The following IGDCC3 variants were observed in gnomAD, a reference collection of about 807,000 sequenced individuals.
IGDCC3 encodes putative neuronal cell adhesion molecule.
In IGDCC3, 47 loss-of-function variants were observed where a neutral mutation model predicts 72.0. The observed-to-expected ratio is 0.65, with a 90% CI of 0.52 to 0.83. IGDCC3 has a LOEUF of 0.83. Among genes scored for constraint, IGDCC3 ranks in the 40% least tolerant of loss-of-function variants. The pLI is 0.00. For missense variants in IGDCC3, 1,038 were observed against 1,091.3 expected (o/e 0.95, Z 0.69); for synonymous variants, 477 against 472.8 (o/e 1.01, Z -0.11).
At chr15:65,352,927 T>C (rs1257727623) in intron 2 of IGDCC3, among the ~76,000 whole-genome samples, 1 of 152,230 alleles carries the variant, frequency 6.6e-6, no homozygotes, top group East Asian at 1.9e-4. Flanking sequence ...AGGCTAACTC[T>C]GCTTATTCCT....
intron 2 of IGDCC3, among the ~76,000 whole-genome samples, chr15:65,372,195 G>A (rs778974016): frequency 6.6e-6 from 1 of 152,196 alleles, no homozygotes; most frequent in African/African-American, 2.4e-5. Flanking sequence ...CAGGCAAAGT[G>A]TGGGGTGTGC....
At chr15:65,347,559 C>G (rs1328960690) in intron 2 of IGDCC3, among the ~76,000 whole-genome samples, 2 of 152,248 alleles carry the variant, frequency 1.3e-5, no homozygotes, top group East Asian at 3.9e-4. Context: ...GGCTGCATTC[C>G]CAGATGGGTA....
chr15:65,360,664 G>A (rs2091254537), intron 2 of IGDCC3, among the ~76,000 whole-genome samples: 1 of 152,214 alleles, frequency 6.6e-6, no homozygotes, highest in Non-Finnish European at 1.5e-5. Flanking sequence ...TTTGTTGCAA[G>A]CCAAATACTG....
At chr15:65,362,537 G>T (rs1653895710) in intron 2 of IGDCC3, among the ~76,000 whole-genome samples, 1 of 145,144 alleles carries the variant, frequency 6.9e-6, no homozygotes, top group Non-Finnish European at 1.5e-5. Flanking sequence ...CTGAACAAAA[G>T]GTGCCCCCAC....
At chr15:65,371,836 T>C (rs1383462881) in intron 2 of IGDCC3, among the ~76,000 whole-genome samples, 1 of 152,190 alleles carries the variant, frequency 6.6e-6, no homozygotes, top group Non-Finnish European at 1.5e-5. Context: ...CACATTCCCC[T>C]GGGTCAGCCC....
intron 2 of IGDCC3, among the ~76,000 whole-genome samples, chr15:65,344,282 A>T (rs1259490592): frequency 6.6e-6 from 1 of 151,658 alleles, no homozygotes; most frequent in Non-Finnish European, 1.5e-5. Context: ...TTGCCTAGTG[A>T]CCCTGCTCTG....
In IGDCC3 at chr15:65,375,595, T is replaced by C. The variant is rs72625758; in HGVS notation, c.104-193A>G. On this transcript the variant is annotated intron_variant, in intron 1 of 13. Coordinates refer to ENST00000327987, the MANE Select transcript of IGDCC3 (RefSeq NM_004884.4). ...ACAAAGTGCCATCCAAGGCGGTACT[T>C]TACTTAATCATCAGACCATCTCAGA... 0.036 allele frequency among the ~76,000 whole-genome samples: 5,537 copies of C among 152,302 alleles called. 592 individuals are homozygous for C. The East Asian group carries it at 0.41, about 11-fold the overall frequency.
chr15:65,341,413 C>T (rs2091080128), intron 2 of IGDCC3, among the ~76,000 whole-genome samples: 1 of 152,164 alleles, frequency 6.6e-6, no homozygotes, highest in Non-Finnish European at 1.5e-5. Flanking sequence ...GGGTCTCAAA[C>T]AGATATTTGA....
At chr15:65,352,710 T>C (rs2091182258) in intron 2 of IGDCC3, among the ~76,000 whole-genome samples, 1 of 152,214 alleles carries the variant, frequency 6.6e-6, no homozygotes, top group Non-Finnish European at 1.5e-5. Context: ...CAAAGCCAAT[T>C]TTAAAAGATC....
intron 2 of IGDCC3, among the ~76,000 whole-genome samples, chr15:65,349,356 A>C (rs900676528): frequency 1.3e-5 from 2 of 152,234 alleles, no homozygotes; most frequent in Non-Finnish European, 2.9e-5. Flanking sequence ...GAAGGCTGAC[A>C]TGCCGGCAAA....
rs749650556 is a variant in IGDCC3 at position 65,331,143 on chromosome 15, G to A, written c.1468C>T (p.Pro490Ser). 13 of 1,614,074 alleles carry A rather than the reference G, an allele frequency of 8.1e-6. 1 individual carries two copies. In the South Asian group the frequency reaches 1.4e-4, roughly 18 times the overall value. The part of the protein sequence containing the change: ...TFQHLVSDLE[P>S]STAYSFYIKA... ...ATGTAGAAACTGTAGGCTGTGGAGG[G>A]CTCCAGGTCGCTGACCAGGTGCTGA... Residue 490 changes from proline to serine, a missense_variant, in exon 9 of 14, where the codon CCC (proline) becomes TCC (serine). Pro to Ser is a moderately conservative substitution (Grantham distance 74, BLOSUM62 -1). Coordinates refer to ENST00000327987, the MANE Select transcript of IGDCC3 (RefSeq NM_004884.4).
rs200522013 is a variant in IGDCC3 at position 65,331,207 on chromosome 15, C to G, written c.1404G>C (p.Pro468=). The change falls in exon 9 of 14, where the codon CCG becomes CCC. Residue 468 remains proline (P), a synonymous_variant. Coordinates refer to ENST00000327987, the MANE Select transcript of IGDCC3 (RefSeq NM_004884.4). ...TGACTGCCTCCTGATACTCCAGCTC[C>G]GGTGGGTCTGGAGAGGCACAGGGTG... ...VLHIRKAADP[P]ELEYQEAVSK... is the part of the protein sequence containing the mutation. The G allele has an allele frequency of 6.4e-5, 104 of 1,613,814 alleles. 1 individual carries two copies. The Middle Eastern group carries it at 6.6e-4, about 10-fold the overall frequency.
In IGDCC3 at chr15:65,375,307, C is replaced by T. The variant is rs1392475681; in HGVS notation, c.199G>A (p.Gly67Arg). The change falls in exon 2 of 14, where the codon GGG becomes AGG. Residue 67 changes from glycine to arginine, a missense_variant. Gly to Arg is a moderately radical substitution (Grantham distance 125). Transcript: ENST00000327987. ...QPIVLDCRVE[G>R]TPPVRITWRK... ...CAGGTGATTCGCACTGGAGGGGTCC[C>T]CTCCACCCTGCAGTCCAGCACTATA... 1.2e-6 allele frequency: 2 copies of T among 1,614,168 alleles called. No homozygotes were observed. Among genetic ancestry groups the T allele is most frequent in the South Asian group, 1.1e-5 (1 of 91,084 alleles).
chr15:65,334,650 G>T, intron 5 of IGDCC3, 78 bp downstream of exon 5: 1 of 1,245,446 alleles, frequency 8.0e-7, no homozygotes, highest in Non-Finnish European at 1.1e-6. Flanking sequence ...CCCTGGAGCT[G>T]GGTGAGGAGT....
intron 6 of IGDCC3, 112 bp downstream of exon 6, chr15:65,333,145 G>T (rs2090993936): frequency 3.7e-6 from 4 of 1,075,918 alleles, no homozygotes; most frequent in Non-Finnish European, 5.1e-6. Flanking sequence ...GCGAGGGGCA[G>T]GGCGAGTCCA....
At chr15:65,355,172 G>A (rs1200586829) in intron 2 of IGDCC3, among the ~76,000 whole-genome samples, 11 of 152,166 alleles carry the variant, frequency 7.2e-5, no homozygotes, top group Non-Finnish European at 2.9e-5. Flanking sequence ...GCCTGGGGAA[G>A]CCCGGCCCCC....
chr15:65,335,677 G>C, intron 3 of IGDCC3, 135 bp downstream of exon 3: 1 of 1,044,046 alleles, frequency 9.6e-7, no homozygotes, highest in South Asian at 1.4e-5. Context: ...CTAAACTGTG[G>C]TTGCAGAAAC....
At chr15:65,335,261 G>A (rs1264518690) in intron 4 of IGDCC3, 30 bp downstream of exon 4, 17 of 1,587,964 alleles carry the variant, frequency 1.1e-5, no homozygotes, top group East Asian at 4.5e-5. Flanking sequence ...CAGGTGGGGA[G>A]GTTGGGGGAA....
rs769953396 is a variant in IGDCC3, at chr15:65,330,329, G to A, written c.1822C>T (p.Arg608Cys). Reference sequence around the variant, plus strand: ...GATGCTCCCCTCAAAGACACAAAGCGGACTGTGGCATTGCCATCTCCATGC... The same window carrying A: ...GATGCTCCCCTCAAAGACACAAAGCAGACTGTGGCATTGCCATCTCCATGC... ...NQHGDGNATV[R>C]FVSLRGASER... is the part of the protein sequence containing the mutation. Residue 608 changes from arginine (R) to cysteine (C), a missense_variant, in exon 11 of 14, where the codon CGC becomes TGC. Transcript: ENST00000327987. The A allele has an allele frequency of 4.6e-5, 74 of 1,613,882 alleles. No homozygotes were observed. Among genetic ancestry groups the A allele is most frequent in the Non-Finnish European group, 5.8e-5 (69 of 1,179,946 alleles).
Sources: gnomAD v4.1 joint callset for allele counts (sites outside exome capture counted in the v4.1 genomes callset) on GRCh38, gnomAD v4.1.1 for gene constraint, MANE v1.5 for transcripts, NCBI Gene and HGNC (gene_info 2026-07-23, HGNC 2026-07-21) for gene names.